The following MCF2L variants were observed in gnomAD, a reference collection of about 807,000 sequenced individuals.
MCF2L encodes MCF.2 cell line derived transforming sequence like, also known as guanine nucleotide exchange factor DBS.
MCF2L carries 97 observed loss-of-function variants against 153.4 expected under a neutral mutation model. The observed-to-expected ratio is 0.63, with a 90% CI of 0.54 to 0.75. The LOEUF (loss-of-function observed/expected upper bound fraction) is 0.75. Ranked by LOEUF, MCF2L falls within the 30% of genes least tolerant of loss-of-function variation. The probability of loss-of-function intolerance (pLI) is 0.00; values close to 1 mark genes in which losing one functional copy is unlikely to be tolerated. For missense variants in MCF2L, 1,347 were observed against 1,495.2 expected (o/e 0.90, Z 1.64); for synonymous variants, 659 against 632.2 (o/e 1.04, Z -0.64).
chr13:112,974,535 G>A (rs549253600), intron 1 of MCF2L, among the ~76,000 whole-genome samples: 2 of 152,288 alleles, frequency 1.3e-5, no homozygotes, highest in Admixed American at 1.3e-4. Flanking sequence ...TTTTGCAGAC[G>A]TTCTGGGGAA....
chr13:112,963,113 T>C (rs35988856), intron 2 of MCF2L, among the ~76,000 whole-genome samples: 99,104 of 151,880 alleles, frequency 0.65, 32,631 homozygotes, highest in Non-Finnish European at 0.71. Flanking sequence ...CCTTCTCTCA[T>C]GCCTGGCTCG....
At chr13:113,077,880 GC>G (rs2033666710) in intron 13 of MCF2L, among the ~76,000 whole-genome samples, 2 of 152,228 alleles carry the variant, frequency 1.3e-5, no homozygotes, top group Admixed American at 6.5e-5. Context: ...AATCTCAGGG[GC>G]CCCGGGGGCC....
At chr13:112,964,200 G>T (rs571825882) in intron 2 of MCF2L, among the ~76,000 whole-genome samples, 4 of 152,364 alleles carry the variant, frequency 2.6e-5, no homozygotes, top group Middle Eastern at 3.4e-3. Flanking sequence ...CCTTGAGGCA[G>T]CCCCGGCACC....
intron 3 of MCF2L, among the ~76,000 whole-genome samples, chr13:113,033,436 AG>A (rs2085922871): frequency 7.0e-6 from 1 of 143,840 alleles, no homozygotes; most frequent in Non-Finnish European, 1.5e-5. Flanking sequence ...CCATGATGTG[AG>A]TGGCCCCCGT....
chr13:112,900,778 T>C (rs1213648936), intron 1 of MCF2L, among the ~76,000 whole-genome samples: 3 of 151,834 alleles, frequency 2.0e-5, no homozygotes, highest in South Asian at 2.1e-4. Context: ...CAGGGCTCCA[T>C]GTGGTGGGGC....
Position 113,046,683 on chromosome 13 carries a change from A to G in MCF2L, c.369+1322A>G, listed in dbSNP as rs900803450. ...TCCCTGAGCCGCTGGTTCTCATCGA[A>G]GTCTTTAGGATGAGGCATCTCCTTG... is the stretch of plus-strand genomic sequence containing the variant. On this transcript the variant is annotated intron_variant, in intron 4 of 29. Transcript: ENST00000535094. The surrounding 1 kb of genome is among the most constrained non-coding windows in gnomAD (Gnocchi z 4.4). The G allele has an allele frequency of 7.7e-5, 41 of 531,910 alleles. No homozygotes were observed. In the Middle Eastern group the frequency reaches 9.6e-4, roughly 12 times the overall value. The allele number at this position is 531,910 out of a possible 1,614,324, so 32.9% of individuals were successfully genotyped here. A position where few individuals can be genotyped will look rare whatever the true frequency, so the allele number is the denominator to read the frequency against.
At chr13:113,022,595 C>CGTT (rs1292526471) in intron 2 of MCF2L, among the ~76,000 whole-genome samples, 2 of 152,256 alleles carry the variant, frequency 1.3e-5, no homozygotes, top group Middle Eastern at 3.2e-3. Flanking sequence ...AGGCTGCGGC[C>CGTT]GTTTCCACAA....
chr13:113,030,593 T>C (rs200918225), intron 3 of MCF2L, among the ~76,000 whole-genome samples: 1 of 148,242 alleles, frequency 6.7e-6, no homozygotes, highest in African/African-American at 2.5e-5. Flanking sequence ...AGGTGTGGAC[T>C]CTCAGGTGTC....
At position 113,031,338 on chromosome 13, in the gene MCF2L, G is replaced by A. The variant is rs988595010; in HGVS notation, c.278+6580G>A. On this transcript the variant is annotated intron_variant, in intron 3 of 29. Transcript: ENST00000535094. This position sits in a 1 kb window ranked among gnomAD's most constrained non-coding sequence, Gnocchi z 5.5. The stretch of plus-strand genomic sequence containing the variant: ...AGAGGGCAGGGGTGGCAGCATCACT[G>A]CAGACAAGGAACTTAATGTAAACTG... Among the ~76,000 whole-genome samples the A allele has an allele frequency of 2.6e-5, 4 of 152,162 alleles. No individual in the cohort carries two copies. The highest frequency in any genetic ancestry group is 4.8e-5 in the African/African-American group (2 of 41,442).
intron 2 of MCF2L, among the ~76,000 whole-genome samples, chr13:112,931,382 C>A (rs973810990): frequency 6.6e-6 from 1 of 152,190 alleles, no homozygotes; most frequent in Non-Finnish European, 1.5e-5. Context: ...GCTGCTCTGC[C>A]GGAAGCTGAA....
intron 2 of MCF2L, among the ~76,000 whole-genome samples, chr13:112,908,597 A>G (rs1050962543): frequency 2.0e-5 from 3 of 152,186 alleles, no homozygotes; most frequent in African/African-American, 4.8e-5. Flanking sequence ...GTGCTCTACA[A>G]TATGTGCTCT....
In MCF2L at chr13:113,070,723, G is replaced by A. The variant is rs373763085; in HGVS notation, c.996+550G>A. Among the ~76,000 whole-genome samples the A allele has an allele frequency of 5.3e-5, 8 of 152,314 alleles. No homozygotes were observed. In the South Asian group the frequency reaches 8.3e-4, roughly 16 times the overall value. On this transcript the variant is annotated intron_variant, in intron 9 of 29. Transcript: ENST00000535094. The surrounding 1 kb of genome is among the most constrained non-coding windows in gnomAD (Gnocchi z 5.6). ...ATGAATCCCACAGAATGTCACTCTCGGGATTTGTTTGTTTGCTCAGCACAG... is the reference window on the plus strand; with the variant it reads ...ATGAATCCCACAGAATGTCACTCTCAGGATTTGTTTGTTTGCTCAGCACAG...
chr13:113,090,312 G>A (rs376346754), intron 26 of MCF2L: 20 of 1,224,084 alleles, frequency 1.6e-5, no homozygotes, highest in Middle Eastern at 5.3e-4. Flanking sequence ...TGTGTCTCGC[G>A]CACAGACACC....
rs2081592369 is a variant in MCF2L, at chr13:112,943,021, A to G, written c.169+40650A>G. On this transcript the variant is annotated intron_variant, in intron 2 of 29. Transcript: ENST00000375608. This position sits in a 1 kb window ranked among gnomAD's most constrained non-coding sequence, Gnocchi z 4.2. ...GTGAAGATAATGGGGACATTTTGGAATGCCATTTGGAAGAAATGGAAATGC... is the reference window on the plus strand; with the variant it reads ...GTGAAGATAATGGGGACATTTTGGAGTGCCATTTGGAAGAAATGGAAATGC... Among the ~76,000 whole-genome samples, 1 of 152,232 alleles carries G rather than the reference A, an allele frequency of 6.6e-6. No individual in the cohort carries two copies. The highest frequency in any genetic ancestry group is 6.5e-5 in the Admixed American group (1 of 15,288).
At chr13:113,032,938 C>T (rs1180758984) in intron 3 of MCF2L, among the ~76,000 whole-genome samples, 2 of 152,128 alleles carry the variant, frequency 1.3e-5, no homozygotes, top group Non-Finnish European at 2.9e-5. Flanking sequence ...TTGGGCTGGC[C>T]CCCGTGACGT....
chr13:112,988,917 C>T (rs2082773583), intron 1 of MCF2L, among the ~76,000 whole-genome samples: 1 of 127,392 alleles, frequency 7.8e-6, no homozygotes, highest in African/African-American at 3.3e-5. Flanking sequence ...CATGGAGCTA[C>T]CACGCCCGAG....
intron 12 of MCF2L, among the ~76,000 whole-genome samples, chr13:113,076,389 T>C (rs2033482245): frequency 6.6e-6 from 1 of 152,144 alleles, no homozygotes; most frequent in Non-Finnish European, 1.5e-5. Context: ...CTCAGCCTCC[T>C]GAGTAGCTGG....
intron 2 of MCF2L, among the ~76,000 whole-genome samples, chr13:112,918,823 G>A (rs558770012): frequency 9.9e-5 from 15 of 152,228 alleles, no homozygotes; most frequent in East Asian, 3.9e-4. Context: ...CTGAAGCATC[G>A]GCCCAGACTT....
intron 1 of MCF2L, among the ~76,000 whole-genome samples, chr13:113,013,273 G>A (rs919801418): frequency 7.9e-5 from 12 of 152,178 alleles, no homozygotes; most frequent in South Asian, 2.1e-4. Flanking sequence ...AGAAGCCATC[G>A]CCGAGACGTG....
Sources: allele counts gnomAD v4.1 joint callset (sites outside exome capture counted in the v4.1 genomes callset), GRCh38; gene constraint gnomAD v4.1.1; non-coding constraint Gnocchi (gnomAD v3.1); transcripts MANE v1.5; gene names NCBI Gene and HGNC (gene_info 2026-07-23, HGNC 2026-07-21).